CNBD1: variants seen among roughly 807,000 people sequenced by gnomAD.
CNBD1 encodes cyclic nucleotide-binding domain-containing protein 1.
A neutral mutation model predicts 54.4 loss-of-function variants in CNBD1; 71 were observed. The observed-to-expected ratio is 1.30, with a 90% confidence interval of 1.08 to 1.59. The LOEUF (loss-of-function observed/expected upper bound fraction) is 1.59. Among genes scored for constraint, CNBD1 ranks in the 40% most tolerant of loss-of-function variants. The pLI is 0.00. For missense variants in CNBD1, 659 were observed against 518.0 expected, an observed-to-expected ratio of 1.27 and a Z score of -2.64; for synonymous variants, 182 against 170.7, an observed-to-expected ratio of 1.07 and a Z score of -0.51.
intron 8 of CNBD1, among the ~76,000 whole-genome samples, chr8:87,347,011 G>T (rs1243557434): frequency 1.3e-5 from 2 of 152,068 alleles, no homozygotes; most frequent in African/African-American, 2.4e-5. Context: ...CTTTCTCTGA[G>T]GTGGGCTTTT....
chr8:86,886,677 C>T (rs945168599), intron 1 of CNBD1, among the ~76,000 whole-genome samples: 3 of 152,260 alleles, frequency 2.0e-5, no homozygotes, highest in East Asian at 3.9e-4. Flanking sequence ...TCCAATTCTT[C>T]ATAATTAGAA....
intron 6 of CNBD1, among the ~76,000 whole-genome samples, chr8:87,238,899 A>T (rs181150627): frequency 1.3e-5 from 2 of 152,054 alleles, no homozygotes; most frequent in Admixed American, 6.6e-5. Context: ...CCCAGCAGCA[A>T]TCATCCTATG....
At chr8:87,145,822 G>A (rs1372740321) in intron 4 of CNBD1, among the ~76,000 whole-genome samples, 1 of 152,014 alleles carries the variant, frequency 6.6e-6, no homozygotes, top group African/African-American at 2.4e-5. Context: ...TTCAGTTCAT[G>A]GTGTACCAGA....
intron 4 of CNBD1, among the ~76,000 whole-genome samples, chr8:87,049,388 A>G (rs1177409968): frequency 6.6e-6 from 1 of 152,228 alleles, no homozygotes; most frequent in Non-Finnish European, 1.5e-5. Flanking sequence ...TAGAATCAGT[A>G]TAAATGTTAA....
intron 4 of CNBD1, among the ~76,000 whole-genome samples, chr8:87,136,037 C>A (rs1012273255): frequency 6.6e-6 from 1 of 151,978 alleles, no homozygotes; most frequent in African/African-American, 2.4e-5. Context: ...TAGCTTCCAA[C>A]GTCTTGATGG....
intron 2 of CNBD1, among the ~76,000 whole-genome samples, chr8:86,904,317 A>T (rs934008981): frequency 1.4e-4 from 21 of 152,078 alleles, no homozygotes; most frequent in African/African-American, 4.6e-4. Flanking sequence ...AGCATTTTTT[A>T]AAAAATTGAC....
intron 2 of CNBD1, among the ~76,000 whole-genome samples, chr8:87,424,811 T>C (rs539884011): frequency 1.4e-3 from 214 of 152,314 alleles, no homozygotes; most frequent in African/African-American, 4.8e-3. Flanking sequence ...GGAGTTGCTC[T>C]TCTCCAGGAG....
chr8:87,428,004 C>T (rs1489355278), intron 2 of CNBD1, among the ~76,000 whole-genome samples: 1 of 152,046 alleles, frequency 6.6e-6, no homozygotes, highest in African/African-American at 2.4e-5. Context: ...GATATACTCT[C>T]TTGTCTAAGC....
intron 8 of CNBD1, among the ~76,000 whole-genome samples, chr8:87,342,868 C>T (rs1172298269): frequency 6.6e-6 from 1 of 152,148 alleles, no homozygotes; most frequent in Non-Finnish European, 1.5e-5. Context: ...TCTTGATAAA[C>T]ATCTTAACAG....
rs541719311 is a variant in CNBD1 at position 86,959,975 on chromosome 8, C to T, written c.431+20221C>T. On this transcript the variant is annotated intron_variant, in intron 4 of 10. Transcript: ENST00000518476. ...CAGCTTTTCTTCTCTGGTTTCTCCC[C>T]ATCGTTGTTGTTTTATCTACCTTTG... Among the ~76,000 whole-genome samples the T allele has an allele frequency of 1.2e-4, 19 of 152,260 alleles. No individual in the cohort carries two copies. The South Asian group carries it at 3.7e-3, about 30-fold the overall frequency.
At chr8:86,972,600 A>C (rs1257566696) in intron 4 of CNBD1, among the ~76,000 whole-genome samples, 38 of 152,324 alleles carry the variant, frequency 2.5e-4, no homozygotes, top group Non-Finnish European at 5.9e-5. Context: ...TTATGCACAT[A>C]ATAGGTAAGA....
At chr8:87,294,679 T>C (rs985420492) in intron 8 of CNBD1, among the ~76,000 whole-genome samples, 1 of 152,228 alleles carries the variant, frequency 6.6e-6, no homozygotes, top group Non-Finnish European at 1.5e-5. Context: ...ATAGTCTTCA[T>C]TGACATTATT....
intron 5 of CNBD1, among the ~76,000 whole-genome samples, chr8:87,226,119 A>AT (rs1814482413): frequency 6.6e-6 from 1 of 151,476 alleles, no homozygotes; most frequent in Non-Finnish European, 1.5e-5. Context: ...CATCTGTTTG[A>AT]TTCTTCTCTC....
intron 5 of CNBD1, among the ~76,000 whole-genome samples, chr8:87,210,438 G>A (rs1483348683): frequency 3.3e-5 from 5 of 152,178 alleles, no homozygotes; most frequent in Admixed American, 3.3e-4. Flanking sequence ...TGGGAAAAAG[G>A]CTTCAAAGGC....
intron 1 of CNBD1, among the ~76,000 whole-genome samples, chr8:86,870,331 GTA>G (rs988924359): frequency 6.6e-6 from 1 of 151,684 alleles, no homozygotes; most frequent in Admixed American, 6.6e-5. Flanking sequence ...TGGGACTACA[GTA>G]TATGTTAGTC....
chr8:87,071,214 A>C (rs1429471652), intron 4 of CNBD1, among the ~76,000 whole-genome samples: 1 of 152,114 alleles, frequency 6.6e-6, no homozygotes, highest in African/African-American at 2.4e-5. Context: ...AAATTTCTCA[A>C]GGTTTATAAA....
chr8:86,983,781 G>T (rs1808542793), intron 4 of CNBD1, among the ~76,000 whole-genome samples: 1 of 152,168 alleles, frequency 6.6e-6, no homozygotes, highest in Non-Finnish European at 1.5e-5. Context: ...GCATTCAAGA[G>T]GTGAATTGGG....
chr8:87,425,226 A>T (rs898201009), intron 2 of CNBD1, among the ~76,000 whole-genome samples: 5 of 151,556 alleles, frequency 3.3e-5, no homozygotes, highest in African/African-American at 4.9e-5. Flanking sequence ...ATTCTTCTAA[A>T]TTTTTTTCAA....
intron 2 of CNBD1, among the ~76,000 whole-genome samples, chr8:87,404,734 C>T (rs1016302372): frequency 1.3e-5 from 2 of 152,046 alleles, no homozygotes; most frequent in Non-Finnish European, 1.5e-5. Flanking sequence ...TATTCTCTTT[C>T]CAGTATGTAA....
Sources: allele counts gnomAD v4.1 joint callset (sites outside exome capture counted in the v4.1 genomes callset), GRCh38; gene constraint gnomAD v4.1.1; transcripts MANE v1.5; gene names NCBI Gene and HGNC (gene_info 2026-07-23, HGNC 2026-07-21).